The following COL24A1 variants were observed in gnomAD, a reference collection of about 807,000 sequenced individuals.
The protein encoded by COL24A1 is collagen alpha-1(XXIV) chain.
COL24A1 carries 224 observed loss-of-function variants against 253.9 expected under a neutral mutation model. The ratio of observed to expected loss-of-function variants is 0.88; its 90% CI spans 0.79 to 0.99. The LOEUF is 0.99. Among genes scored for constraint, COL24A1 ranks in the 50% least tolerant of loss-of-function variants. The pLI is 0.00. For synonymous variants in COL24A1, 685 were observed against 673.7 expected (o/e 1.02, Z -0.26); for missense variants, 2,131 against 2,068.5 (o/e 1.03, Z -0.59).
chr1:85,924,138 A>G (rs1159006872), intron 24 of COL24A1, among the ~76,000 whole-genome samples: 3 of 152,220 alleles, frequency 2.0e-5, no homozygotes, highest in Non-Finnish European at 4.4e-5. Flanking sequence ...TGAATCTGTA[A>G]ATAGGCCAAT....
chr1:85,869,974 G>A (rs1329511147), intron 35 of COL24A1, among the ~76,000 whole-genome samples: 4 of 151,930 alleles, frequency 2.6e-5, no homozygotes, highest in African/African-American at 7.2e-5. Flanking sequence ...AGAGACACAC[G>A]ATGGCTCAAA....
chr1:85,985,895 G>T (rs1180836643), intron 20 of COL24A1, among the ~76,000 whole-genome samples: 1 of 151,714 alleles, frequency 6.6e-6, no homozygotes, highest in Non-Finnish European at 1.5e-5. Context: ...TAAACTACAG[G>T]ATGCTCAATT....
chr1:85,741,688 T>A (rs1466708975), intron 57 of COL24A1, among the ~76,000 whole-genome samples: 1 of 152,144 alleles, frequency 6.6e-6, no homozygotes, highest in Non-Finnish European at 1.5e-5. Context: ...TCCTTTAAAG[T>A]CTCAGCTTGA....
intron 7 of COL24A1, among the ~76,000 whole-genome samples, chr1:86,071,115 T>G (rs1426147868): frequency 6.6e-6 from 1 of 152,190 alleles, no homozygotes; most frequent in East Asian, 1.9e-4. Context: ...CATAGAGTTT[T>G]TATCAGTTTT....
At chr1:86,133,828 G>A (rs1572037403) in intron 2 of COL24A1, among the ~76,000 whole-genome samples, 1 of 151,984 alleles carries the variant, frequency 6.6e-6, no homozygotes, top group East Asian at 1.9e-4. Context: ...TTGTGTCTCT[G>A]CCAGGCTTTG....
intron 53 of COL24A1, among the ~76,000 whole-genome samples, chr1:85,774,778 C>A (rs1002935875): frequency 6.6e-6 from 1 of 152,020 alleles, no homozygotes; most frequent in Non-Finnish European, 1.5e-5. Flanking sequence ...CTTTATTAGT[C>A]TTGCTAGCGG....
intron 28 of COL24A1, among the ~76,000 whole-genome samples, chr1:85,899,972 T>C (rs114809120): frequency 2.8e-4 from 43 of 152,250 alleles, no homozygotes; most frequent in African/African-American, 8.7e-4. Context: ...TAAAAAGAAA[T>C]GAGGTTAATC....
At chr1:85,948,315 G>A (rs1206854203) in intron 24 of COL24A1, among the ~76,000 whole-genome samples, 4 of 151,654 alleles carry the variant, frequency 2.6e-5, no homozygotes, top group African/African-American at 7.3e-5. Flanking sequence ...ACGAGGTCAG[G>A]AGATCGAGAC....
chr1:85,915,624 C>T (rs916563764), intron 24 of COL24A1, among the ~76,000 whole-genome samples: 1 of 152,100 alleles, frequency 6.6e-6, no homozygotes, highest in Non-Finnish European at 1.5e-5. Flanking sequence ...AGAAACTGAA[C>T]ACAGACTAGT....
intron 47 of COL24A1, among the ~76,000 whole-genome samples, chr1:85,796,013 A>T (rs1367072999): frequency 6.6e-6 from 1 of 152,224 alleles, no homozygotes; most frequent in South Asian, 2.1e-4. Flanking sequence ...TACATTTTAC[A>T]TAAATAATGT....
rs570497175 is a variant in COL24A1, at chr1:85,868,844, T to C, written c.3139-9A>G. ...GGAGCTCCTGGTTCACCCTATTTTG[T>C]AGCAGAAAGAGTATGATTGAGTTTT... On this transcript the variant is annotated splice_polypyrimidine_tract_variant and intron_variant, in intron 35 of 59. Coordinates refer to ENST00000370571, the MANE Select transcript of COL24A1 (RefSeq NM_152890.7). 15 of 1,579,210 alleles carry C rather than the reference T, an allele frequency of 9.5e-6. No individual in the cohort carries two copies. The South Asian group carries it at 1.1e-4, about 11-fold the overall frequency.
rs540192371 is a variant in COL24A1 at position 85,782,992 on chromosome 1, C to A, written c.4284+504G>T. On this transcript the variant is annotated intron_variant, in intron 51 of 59. Coordinates refer to ENST00000370571, the MANE Select transcript of COL24A1 (RefSeq NM_152890.7). ...AATTTGCAATTACAAGCACTCATTGCTAATTGGAGTTCTTCAGACCCTGCT... is the reference window on the plus strand; with the variant it reads ...AATTTGCAATTACAAGCACTCATTGATAATTGGAGTTCTTCAGACCCTGCT... Among the ~76,000 whole-genome samples, 6 of 152,198 alleles carry A rather than the reference C, an allele frequency of 3.9e-5. No individual in the cohort carries two copies. In the South Asian group the frequency reaches 1.2e-3, roughly 31 times the overall value.
At chr1:85,872,724 C>A (rs1293735172) in intron 35 of COL24A1, among the ~76,000 whole-genome samples, 2 of 152,148 alleles carry the variant, frequency 1.3e-5, no homozygotes, top group East Asian at 3.9e-4. Flanking sequence ...ACACTTAAAA[C>A]CATAAAAACC....
chr1:86,031,527 T>C (rs543819953), intron 14 of COL24A1, among the ~76,000 whole-genome samples: 3 of 152,282 alleles, frequency 2.0e-5, no homozygotes, highest in Admixed American at 6.5e-5. Context: ...CTATTATGTA[T>C]TGAAAATAAT....
intron 47 of COL24A1, among the ~76,000 whole-genome samples, chr1:85,788,475 G>A (rs1036997863): frequency 6.6e-6 from 1 of 152,142 alleles, no homozygotes; most frequent in African/African-American, 2.4e-5. Context: ...ACATTTGTCA[G>A]ATGGTTAGAT....
intron 5 of COL24A1, among the ~76,000 whole-genome samples, chr1:86,104,563 C>T (rs1704766019): frequency 6.6e-6 from 1 of 152,044 alleles, no homozygotes; most frequent in Admixed American, 6.5e-5. Context: ...TTTCTTTTAT[C>T]CTATTTGATG....
At chr1:85,772,124 T>C (rs1307325775) in intron 53 of COL24A1, among the ~76,000 whole-genome samples, 1 of 150,650 alleles carries the variant, frequency 6.6e-6, no homozygotes, top group Non-Finnish European at 1.5e-5. Flanking sequence ...ACAAAGGACA[T>C]GAACTCATCA....
chr1:85,914,235 G>A (rs1286026575), intron 24 of COL24A1, among the ~76,000 whole-genome samples: 2 of 151,820 alleles, frequency 1.3e-5, no homozygotes, highest in East Asian at 1.9e-4. Flanking sequence ...TACCTGCTAT[G>A]GCCATGTGAC....
intron 2 of COL24A1, among the ~76,000 whole-genome samples, chr1:86,129,248 C>A (rs915579549): frequency 1.3e-5 from 2 of 151,682 alleles, no homozygotes; most frequent in African/African-American, 2.4e-5. Context: ...ATAATAATCC[C>A]TTACAATTAT....
Sources: allele counts gnomAD v4.1 joint callset (sites outside exome capture counted in the v4.1 genomes callset), GRCh38; gene constraint gnomAD v4.1.1; transcripts MANE v1.5; gene names NCBI Gene and HGNC (gene_info 2026-07-23, HGNC 2026-07-21).